The following DMRT1 variants were observed in gnomAD, a reference collection of about 807,000 sequenced individuals.
The protein encoded by DMRT1 is doublesex and mab-3 related transcription factor 1, also known as doublesex- and mab-3-related transcription factor 1.
DMRT1 carries 7 observed loss-of-function variants against 32.3 expected under a neutral mutation model. The observed-to-expected ratio is 0.22, with a 90% CI of 0.12 to 0.41. DMRT1 has a LOEUF of 0.41. Ranked by LOEUF, DMRT1 falls within the 10% of genes least tolerant of loss-of-function variation. The pLI is 1.00. For missense variants in DMRT1, 625 were observed against 500.5 expected, an observed-to-expected ratio of 1.25 and a Z score of -2.37; for synonymous variants, 278 against 206.1, an observed-to-expected ratio of 1.35 and a Z score of -2.99.
chr9:931,550 C>G (rs930267327), intron 4 of DMRT1, among the ~76,000 whole-genome samples: 1 of 152,192 alleles, frequency 6.6e-6, no homozygotes, highest in Non-Finnish European at 1.5e-5. Flanking sequence ...TTCTTATAGT[C>G]TGGAGGCTGG....
In DMRT1 at chr9:846,948, G is replaced by C; in HGVS notation, c.355-12G>C. 3.1e-6 allele frequency: 5 copies of C among 1,614,054 alleles called. No homozygotes were observed. Among genetic ancestry groups the C allele is most frequent in the Non-Finnish European group, 3.4e-6 (4 of 1,180,052 alleles). On this transcript the variant is annotated splice_polypyrimidine_tract_variant and intron_variant, in intron 1 of 4. Coordinates refer to ENST00000382276, the MANE Select transcript of DMRT1 (RefSeq NM_021951.3). ...GAGTGCTGGAGGATGACTCATTGTCGTGTGCTTCCAGGTGGCCCTGAGAAG... is the reference window on the plus strand; with the variant it reads ...GAGTGCTGGAGGATGACTCATTGTCCTGTGCTTCCAGGTGGCCCTGAGAAG...
chr9:852,632 C>G (rs1279146653), intron 2 of DMRT1, among the ~76,000 whole-genome samples: 2 of 152,186 alleles, frequency 1.3e-5, no homozygotes, highest in African/African-American at 4.8e-5. Flanking sequence ...GTAGATAATT[C>G]AGTTCTGCAT....
intron 3 of DMRT1, among the ~76,000 whole-genome samples, chr9:902,724 A>T (rs763920081): frequency 6.7e-6 from 1 of 149,492 alleles, no homozygotes; most frequent in Admixed American, 6.7e-5. Flanking sequence ...CCTCACCTCG[A>T]GTGATCCGCC....
In DMRT1 at chr9:845,756, G is replaced by A. The variant is rs544038645; in HGVS notation, c.355-1204G>A. Among the ~76,000 whole-genome samples the A allele has an allele frequency of 6.5e-5, 9 of 138,624 alleles. No homozygotes were observed. The East Asian group carries it at 1.8e-3, about 28-fold the overall frequency. 90.9% of individuals were successfully genotyped at this position (138,624 alleles called of 152,430 possible). ...CACCCCAGGAATCAGGGCTCTGCAG[G>A]CTTTCCTAAGCAGACCCTGCCTGCC... On this transcript the variant is annotated intron_variant, in intron 1 of 4. Transcript: ENST00000382276.
chr9:893,803 C>A, intron 2 of DMRT1, 109 bp from the exon 3 acceptor site: 1 of 989,604 alleles, frequency 1.0e-6, no homozygotes, highest in Non-Finnish European at 1.6e-6. Flanking sequence ...TTGTCTTCTG[C>A]ATATTCAGCT....
chr9:870,672 CT>C lies in DMRT1; in HGVS notation c.539-23237del, dbSNP rs1378767161. 8.0e-5 allele frequency among the ~76,000 whole-genome samples: 9 copies of C among 112,698 alleles called. No individual in the cohort carries two copies. In the South Asian group the frequency reaches 1.5e-3, roughly 18 times the overall value. The allele number at this position is 112,698 out of a possible 152,430, so 73.9% of individuals were successfully genotyped here. A position where few individuals can be genotyped will look rare whatever the true frequency, so the allele number is the denominator to read the frequency against. Reference sequence around the variant, plus strand: ...GTCTAAAGGCTTTGCTTATTTTGTTCTTTAAGCTTAGGTTCCCATATTTCTC... The same window carrying C: ...GTCTAAAGGCTTTGCTTATTTTGTTCTTAAGCTTAGGTTCCCATATTTCTC... On this transcript the variant is annotated intron_variant, in intron 2 of 4. Transcript: ENST00000382276.
chr9:967,947 TC>T, intron 4 of DMRT1, 37 bp from the exon 5 acceptor site: 2 of 1,600,294 alleles, frequency 1.2e-6, no homozygotes, highest in Non-Finnish European at 1.7e-6. Flanking sequence ...TTACTCCCTT[TC>T]TCCCTTTCTC....
rs190405912 is a variant in DMRT1, at chr9:848,201, A to G, written c.538+1058A>G. On this transcript the variant is annotated intron_variant, in intron 2 of 4. Coordinates refer to ENST00000382276, the MANE Select transcript of DMRT1 (RefSeq NM_021951.3). ...TTGCTGGGCTTAAGCACTGTGTACT[A>G]AAGTCACACAACTATATATTATTAA... 1.5e-3 allele frequency among the ~76,000 whole-genome samples: 229 copies of G among 152,342 alleles called. 1 individual carries two copies. The highest frequency in any genetic ancestry group is 6.8e-3 in the Middle Eastern group (2 of 294).
chr9:873,367 G>A (rs1252703174), intron 2 of DMRT1, among the ~76,000 whole-genome samples: 9 of 151,376 alleles, frequency 5.9e-5, no homozygotes, highest in South Asian at 2.1e-4. Flanking sequence ...GTGCAGTGGC[G>A]CAATCTTGGC....
intron 2 of DMRT1, among the ~76,000 whole-genome samples, chr9:889,049 CTG>C (rs1208678740): frequency 6.6e-6 from 1 of 151,896 alleles, no homozygotes; most frequent in Non-Finnish European, 1.5e-5. Flanking sequence ...TTTTGTCAGT[CTG>C]TGGTGGGGCC....
chr9:929,930 G>A (rs1284492304), intron 4 of DMRT1, among the ~76,000 whole-genome samples: 2 of 152,128 alleles, frequency 1.3e-5, no homozygotes, highest in Admixed American at 6.5e-5. Flanking sequence ...AAAGGTCAGC[G>A]GTTTTAGGGA....
chr9:889,178 T>C (rs1303127740), intron 2 of DMRT1, among the ~76,000 whole-genome samples: 5 of 152,124 alleles, frequency 3.3e-5, no homozygotes, highest in Non-Finnish European at 7.4e-5. Context: ...ATTTCAACCT[T>C]TCCATGTACT....
intron 3 of DMRT1, among the ~76,000 whole-genome samples, chr9:910,925 G>C (rs1817950136): frequency 1.3e-5 from 2 of 152,124 alleles, no homozygotes; most frequent in South Asian, 4.1e-4. Flanking sequence ...AAAACCTTGA[G>C]AGGAAACAAG....
chr9:860,069 G>A (rs1358183512), intron 2 of DMRT1, among the ~76,000 whole-genome samples: 1 of 152,172 alleles, frequency 6.6e-6, no homozygotes, highest in Non-Finnish European at 1.5e-5. Flanking sequence ...GGCCGAGGTG[G>A]GTGGATCACT....
chr9:943,543 T>A (rs1295476768), intron 4 of DMRT1, among the ~76,000 whole-genome samples: 1 of 152,264 alleles, frequency 6.6e-6, no homozygotes, highest in Non-Finnish European at 1.5e-5. Flanking sequence ...TCTGTGCAAG[T>A]AATACACAGT....
intron 4 of DMRT1, among the ~76,000 whole-genome samples, chr9:921,191 A>C (rs759291039): frequency 6.6e-6 from 1 of 151,912 alleles, no homozygotes; most frequent in Non-Finnish European, 1.5e-5. Context: ...GTAATCACTA[A>C]TCTGCTTTCT....
At chr9:872,747 A>G (rs1161568872) in intron 2 of DMRT1, among the ~76,000 whole-genome samples, 1 of 152,198 alleles carries the variant, frequency 6.6e-6, no homozygotes, top group Non-Finnish European at 1.5e-5. Flanking sequence ...TTTTATGTTC[A>G]AATTTTTGTG....
At chr9:894,415 C>A (rs189622699) in intron 3 of DMRT1, 7 of 598,666 alleles carry the variant, frequency 1.2e-5, no homozygotes, top group East Asian at 5.6e-5. Context: ...GTCAATAATG[C>A]CCTTTAGCCT....
intron 1 of DMRT1, among the ~76,000 whole-genome samples, chr9:846,003 T>A (rs2181401): frequency 6.6e-6 from 1 of 151,400 alleles, no homozygotes; most frequent in South Asian, 2.1e-4. Context: ...CCTTTTGTTG[T>A]AGTTGCATGT....
Sources: gnomAD v4.1 joint callset for allele counts (sites outside exome capture counted in the v4.1 genomes callset) on GRCh38, gnomAD v4.1.1 for gene constraint, MANE v1.5 for transcripts, NCBI Gene and HGNC (gene_info 2026-07-23, HGNC 2026-07-21) for gene names.